Variants in CSMD3 observed in about 807,000 individuals in gnomAD.
CSMD3 encodes CUB and Sushi multiple domains 3, also known as CUB and sushi domain-containing protein 3.
Under a neutral mutation model 435.2 loss-of-function variants are expected in CSMD3, and 177 were observed. That is an observed-to-expected ratio of 0.41 (90% CI 0.36 to 0.46). The LOEUF (loss-of-function observed/expected upper bound fraction) is 0.46. CSMD3 is among the 20% of genes least tolerant of loss of function. CSMD3 has a pLI of 0.34. For missense variants in CSMD3, 4,265 were observed against 4,504.6 expected, an observed-to-expected ratio of 0.95 and a Z score of 1.52; for synonymous variants, 1,656 against 1,520.5, an observed-to-expected ratio of 1.09 and a Z score of -2.07.
intron 49 of CSMD3, among the ~76,000 whole-genome samples, chr8:112,311,415 AT>A (rs1821966663): frequency 6.6e-6 from 1 of 152,194 alleles, no homozygotes; most frequent in African/African-American, 2.4e-5. Context: ...TGTCTTCTGA[AT>A]TGAAATGTAT....
intron 3 of CSMD3, among the ~76,000 whole-genome samples, chr8:113,246,485 C>T (rs2093277423): frequency 6.6e-6 from 1 of 152,058 alleles, no homozygotes; most frequent in Non-Finnish European, 1.5e-5. Flanking sequence ...CGTTCTTCCA[C>T]TTAATTCTTT....
intron 32 of CSMD3, among the ~76,000 whole-genome samples, chr8:112,430,455 G>T (rs968203884): frequency 2.0e-5 from 3 of 151,926 alleles, no homozygotes; most frequent in Admixed American, 6.6e-5. Context: ...AAGCATGTGC[G>T]AATCCTCAAC....
rs529688046 is a variant in CSMD3, at chr8:112,558,556, C to T, written c.4043-1602G>A. Among the ~76,000 whole-genome samples the T allele has an allele frequency of 3.6e-3, 541 of 151,870 alleles. 2 individuals carry two copies. The highest frequency in any genetic ancestry group is 0.013 in the African/African-American group (519 of 41,442). On this transcript the variant is annotated intron_variant, in intron 24 of 70. Coordinates refer to ENST00000297405, the MANE Select transcript of CSMD3 (RefSeq NM_198123.2). ...CTCCCATGTCATATAAAACCATGATCCAATAAATTTATTATGCTTTTCTCT... is the reference window on the plus strand; with the variant it reads ...CTCCCATGTCATATAAAACCATGATTCAATAAATTTATTATGCTTTTCTCT...
At position 113,151,420 on chromosome 8, in the gene CSMD3, T is replaced by C. The variant is rs544763657; in HGVS notation, c.709+22302A>G. Among the ~76,000 whole-genome samples, 3 of 151,920 alleles carry C rather than the reference T, an allele frequency of 2.0e-5. No individual in the cohort carries two copies. In the South Asian group the frequency reaches 6.2e-4, roughly 32 times the overall value. ...ATTTTAAGACAAAACACCAGAAATA[T>C]ACAAATAATATGCACAGCACTGTAT... On this transcript the variant is annotated intron_variant, in intron 4 of 70. Transcript: ENST00000297405.
At chr8:112,975,771 A>G (rs2130930446) in intron 7 of CSMD3, 66 bp downstream of exon 7, 3 of 1,609,444 alleles carry the variant, frequency 1.9e-6, no homozygotes, top group Admixed American at 3.3e-5. Context: ...TTCTCTAATT[A>G]GAATCATTAC....
At chr8:112,259,041 A>C (rs1016198630) in intron 61 of CSMD3, among the ~76,000 whole-genome samples, 161 of 147,134 alleles carry the variant, frequency 1.1e-3, no homozygotes, top group African/African-American at 3.7e-3. Context: ...TCTATCTCCC[A>C]AAAAAAAAAG....
chr8:112,791,569 CT>C lies in CSMD3; in HGVS notation c.1972+8592del, dbSNP rs1189867116. Among the ~76,000 whole-genome samples the C allele has an allele frequency of 2.6e-5, 4 of 151,916 alleles. No individual in the cohort carries two copies. In the East Asian group the frequency reaches 7.7e-4, roughly 29 times the overall value. Reference sequence around the variant, plus strand: ...ATGTTGCATGTGTTAAGAGTATTTTCTTTTTTATTGATGAGTAGTATTCTAT... The same window carrying C: ...ATGTTGCATGTGTTAAGAGTATTTTCTTTTTATTGATGAGTAGTATTCTAT... On this transcript the variant is annotated intron_variant, in intron 13 of 70. Coordinates refer to ENST00000297405, the MANE Select transcript of CSMD3 (RefSeq NM_198123.2).
At chr8:112,279,772 G>C (rs895985687) in intron 59 of CSMD3, among the ~76,000 whole-genome samples, 1 of 152,082 alleles carries the variant, frequency 6.6e-6, no homozygotes, top group Non-Finnish European at 1.5e-5. Flanking sequence ...CAATATTACT[G>C]AAGTTGTTGG....
At chr8:112,392,326 A>AG (rs1369038991) in intron 35 of CSMD3, among the ~76,000 whole-genome samples, 1 of 151,606 alleles carries the variant, frequency 6.6e-6, no homozygotes, top group Non-Finnish European at 1.5e-5. Flanking sequence ...AAAAAAAAAA[A>AG]AAAAAAAAAG....
At chr8:112,757,699 A>G (rs570219291) in intron 13 of CSMD3, among the ~76,000 whole-genome samples, 1 of 152,238 alleles carries the variant, frequency 6.6e-6, no homozygotes, top group East Asian at 1.9e-4. Context: ...TACATACCAG[A>G]CGAGACCAGA....
chr8:113,341,764 G>A (rs1326917883), intron 1 of CSMD3, among the ~76,000 whole-genome samples: 1 of 152,080 alleles, frequency 6.6e-6, no homozygotes, highest in Non-Finnish European at 1.5e-5. Context: ...AGTAAACAAT[G>A]AGATTGTCCA....
intron 3 of CSMD3, among the ~76,000 whole-genome samples, chr8:113,185,937 A>G (rs2092493975): frequency 6.6e-6 from 1 of 152,012 alleles, no homozygotes; most frequent in Non-Finnish European, 1.5e-5. Flanking sequence ...ACTTCCCACC[A>G]GGGAATCTGC....
chr8:112,816,080 C>A (rs1160859612), intron 12 of CSMD3, among the ~76,000 whole-genome samples: 1 of 152,120 alleles, frequency 6.6e-6, no homozygotes, highest in Non-Finnish European at 1.5e-5. Flanking sequence ...AGCTCTACAG[C>A]TCATGGCATA....
At chr8:112,786,945 C>T (rs1587292144) in intron 13 of CSMD3, among the ~76,000 whole-genome samples, 2 of 152,186 alleles carry the variant, frequency 1.3e-5, no homozygotes, top group Middle Eastern at 6.8e-3. Context: ...CATGTGCTCT[C>T]GTTGTTCAAC....
intron 5 of CSMD3, among the ~76,000 whole-genome samples, chr8:113,023,519 T>G (rs2086761873): frequency 6.6e-6 from 1 of 152,154 alleles, no homozygotes; most frequent in Admixed American, 6.5e-5. Flanking sequence ...TGAATCTTCA[T>G]GAATGTTCTT....
chr8:113,181,945 A>G (rs182926328), intron 3 of CSMD3, among the ~76,000 whole-genome samples: 1 of 152,044 alleles, frequency 6.6e-6, no homozygotes. Context: ...CTTTAAAAAG[A>G]TGTGTTAAGC....
intron 6 of CSMD3, among the ~76,000 whole-genome samples, chr8:112,987,483 C>T (rs1350015085): frequency 6.6e-6 from 1 of 152,092 alleles, no homozygotes; most frequent in African/African-American, 2.4e-5. Context: ...ATTTGCCAGA[C>T]ATAGTGCTAA....
In CSMD3 at chr8:112,526,010, C is replaced by T. The variant is rs1285043677; in HGVS notation, c.4565-8785G>A. On this transcript the variant is annotated intron_variant, in intron 27 of 70. Transcript: ENST00000297405. ...ATTTTAATATTGTACAGTGTTTGAACTTTCATTCTTCTAAAGAAATCACAC... is the reference window on the plus strand; with the variant it reads ...ATTTTAATATTGTACAGTGTTTGAATTTTCATTCTTCTAAAGAAATCACAC... Among the ~76,000 whole-genome samples the T allele has an allele frequency of 2.0e-5, 3 of 148,442 alleles. No individual in the cohort carries two copies. In the South Asian group the frequency reaches 6.4e-4, roughly 32 times the overall value.
intron 1 of CSMD3, among the ~76,000 whole-genome samples, chr8:113,431,916 T>C (rs962425403): frequency 6.6e-6 from 1 of 152,178 alleles, no homozygotes; most frequent in African/African-American, 2.4e-5. Flanking sequence ...ATACTCCAAA[T>C]TAATTCAGCT....
Sources: allele counts gnomAD v4.1 joint callset (sites outside exome capture counted in the v4.1 genomes callset), GRCh38; gene constraint gnomAD v4.1.1; transcripts MANE v1.5; gene names NCBI Gene and HGNC (gene_info 2026-07-23, HGNC 2026-07-21).